The following OPCML variants were observed in gnomAD, a reference collection of about 807,000 sequenced individuals.
The protein encoded by OPCML is opioid binding protein/cell adhesion molecule like.
OPCML carries 13 observed loss-of-function variants against 37.8 expected under a neutral mutation model. The ratio of observed to expected loss-of-function variants is 0.34; its 90% CI spans 0.22 to 0.55. The LOEUF (loss-of-function observed/expected upper bound fraction) is 0.55. Among genes scored for constraint, OPCML ranks in the 20% least tolerant of loss-of-function variants. The pLI is 0.91. For missense variants in OPCML, 341 were observed against 435.6 expected (o/e 0.78, Z 1.93); for synonymous variants, 176 against 168.8 (o/e 1.04, Z -0.33).
intron 1 of OPCML, among the ~76,000 whole-genome samples, chr11:133,151,354 C>A (rs552495609): frequency 8.0e-4 from 122 of 152,042 alleles, no homozygotes; most frequent in African/African-American, 2.9e-3. Context: ...ATCTAATGGG[C>A]CTCAGAGGCT....
intron 4 of OPCML, among the ~76,000 whole-genome samples, chr11:132,439,611 A>C (rs1352399989): frequency 1.3e-5 from 2 of 152,236 alleles, no homozygotes; most frequent in Non-Finnish European, 2.9e-5. Flanking sequence ...TTTAACAAAG[A>C]AAAATTAGTT....
intron 1 of OPCML, among the ~76,000 whole-genome samples, chr11:133,207,794 T>C (rs953468993): frequency 1.3e-5 from 2 of 152,126 alleles, no homozygotes; most frequent in African/African-American, 4.8e-5. Context: ...TACATTGCCG[T>C]CACTATGATT....
intron 4 of OPCML, among the ~76,000 whole-genome samples, chr11:132,475,990 G>A (rs556892879): frequency 1.3e-5 from 2 of 152,302 alleles, no homozygotes; most frequent in South Asian, 2.1e-4. Flanking sequence ...GTGAAATGGA[G>A]ATGCTAAGAG....
At chr11:133,485,225 C>A (rs1313738875) in intron 1 of OPCML, among the ~76,000 whole-genome samples, 1 of 152,150 alleles carries the variant, frequency 6.6e-6, no homozygotes, top group African/African-American at 2.4e-5. Context: ...AAAGCAATAG[C>A]TTTGTTTTAC....
At chr11:133,092,761 A>G (rs1948927749) in intron 1 of OPCML, among the ~76,000 whole-genome samples, 1 of 152,122 alleles carries the variant, frequency 6.6e-6, no homozygotes, top group Admixed American at 6.5e-5. Context: ...AGAGCTGTTA[A>G]TTATCTTGTT....
chr11:132,858,688 C>T (rs148360698), intron 2 of OPCML, among the ~76,000 whole-genome samples: 20 of 152,322 alleles, frequency 1.3e-4, no homozygotes, highest in Middle Eastern at 3.4e-3. Flanking sequence ...TTCTCATCCA[C>T]AACATGGGTG....
intron 1 of OPCML, among the ~76,000 whole-genome samples, chr11:133,200,133 G>A (rs1938708372): frequency 6.6e-6 from 1 of 152,128 alleles, no homozygotes; most frequent in Admixed American, 6.6e-5. Context: ...TGTCTCTGCT[G>A]AACTCTTTAC....
intron 1 of OPCML, among the ~76,000 whole-genome samples, chr11:132,997,015 G>C (rs940071829): frequency 1.3e-5 from 2 of 152,246 alleles, no homozygotes; most frequent in Middle Eastern, 3.4e-3. Flanking sequence ...AGGGAGCCTG[G>C]TATCTCTGGG....
At chr11:133,489,941 C>A (rs1947619530) in intron 1 of OPCML, among the ~76,000 whole-genome samples, 3 of 151,918 alleles carry the variant, frequency 2.0e-5, no homozygotes, top group African/African-American at 7.2e-5. Context: ...ATGCACACAC[C>A]ATGGAATACT....
intron 1 of OPCML, among the ~76,000 whole-genome samples, chr11:133,257,828 C>T (rs377293328): frequency 2.0e-5 from 3 of 151,506 alleles, no homozygotes; most frequent in African/African-American, 7.2e-5. Flanking sequence ...TCCTTTTTCT[C>T]GCCTTCCTTG....
chr11:132,553,444 G>A (rs74634373), intron 3 of OPCML, among the ~76,000 whole-genome samples: 1,839 of 152,244 alleles, frequency 0.012, 41 homozygotes, highest in African/African-American at 0.041. Context: ...CCAGTGTACC[G>A]ACAAGTGACC....
At chr11:133,426,012 C>A (rs1294980096) in intron 1 of OPCML, among the ~76,000 whole-genome samples, 1 of 152,118 alleles carries the variant, frequency 6.6e-6, no homozygotes, top group Non-Finnish European at 1.5e-5. Context: ...TTGATTTAGA[C>A]TCCTCATATA....
intron 1 of OPCML, among the ~76,000 whole-genome samples, chr11:133,203,797 T>G (rs842210): frequency 0.7 from 105,857 of 151,988 alleles, 39,011 homozygotes; most frequent in African/African-American, 0.92. Flanking sequence ...CGTGGCTTAC[T>G]CCTGTAATCC....
intron 2 of OPCML, among the ~76,000 whole-genome samples, chr11:132,875,590 G>A (rs761169621): frequency 1.3e-5 from 2 of 151,328 alleles, no homozygotes; most frequent in Non-Finnish European, 2.9e-5. Flanking sequence ...TCAGCCTCCC[G>A]AGTAGCTGTG....
chr11:133,009,164 C>T (rs1947168229), intron 1 of OPCML: 1 of 985,278 alleles, frequency 1.0e-6, no homozygotes, highest in Non-Finnish European at 1.2e-6. Flanking sequence ...TACTCTTTGT[C>T]CTTTCAAGAA....
At chr11:132,518,816 T>C (rs2096285919) in intron 4 of OPCML, among the ~76,000 whole-genome samples, 1 of 152,144 alleles carries the variant, frequency 6.6e-6, no homozygotes, top group African/African-American at 2.4e-5. Context: ...ATCTTACACA[T>C]CATTGTTGCT....
intron 1 of OPCML, among the ~76,000 whole-genome samples, chr11:133,489,310 A>C (rs1309869797): frequency 6.6e-6 from 1 of 152,106 alleles, no homozygotes; most frequent in Non-Finnish European, 1.5e-5. Flanking sequence ...CGGTTTAAAA[A>C]AAAAAACTGT....
At chr11:132,842,222 G>A (rs532852228) in intron 2 of OPCML, among the ~76,000 whole-genome samples, 2 of 152,274 alleles carry the variant, frequency 1.3e-5, no homozygotes, top group South Asian at 2.1e-4. Context: ...GCCACCTAGA[G>A]CTCCCATAGG....
chr11:132,771,335 AG>A (rs1946628379), intron 2 of OPCML, among the ~76,000 whole-genome samples: 1 of 152,158 alleles, frequency 6.6e-6, no homozygotes, highest in South Asian at 2.1e-4. Flanking sequence ...AGGGCCAAGA[AG>A]GTAACAAAGC....
Sources: allele counts gnomAD v4.1 joint callset (sites outside exome capture counted in the v4.1 genomes callset), GRCh38; gene constraint gnomAD v4.1.1; transcripts MANE v1.5; gene names NCBI Gene and HGNC (gene_info 2026-07-23, HGNC 2026-07-21).